Variants in TMEM74 observed in about 807,000 individuals in gnomAD.
TMEM74 encodes transmembrane protein 74.
In TMEM74, 13 loss-of-function variants were observed where a neutral mutation model predicts 18.1. That is an observed-to-expected ratio of 0.72 (90% confidence interval 0.47 to 1.14). The LOEUF (loss-of-function observed/expected upper bound fraction) is 1.14, where lower values mean the gene tolerates loss of function less well. Among genes scored for constraint, TMEM74 ranks in the 50% most tolerant of loss-of-function variants. The probability of loss-of-function intolerance (pLI) is 0.00; values close to 1 mark genes in which losing one functional copy is unlikely to be tolerated. For synonymous variants in TMEM74, 159 were observed against 146.6 expected, an observed-to-expected ratio of 1.08 and a Z score of -0.61; for missense variants, 372 against 375.9, an observed-to-expected ratio of 0.99 and a Z score of 0.09.
intron 1 of TMEM74, among the ~76,000 whole-genome samples, chr8:108,723,019 A>T (rs1032690845): frequency 2.6e-5 from 4 of 152,206 alleles, no homozygotes; most frequent in African/African-American, 9.6e-5. Flanking sequence ...ACAGAGGTGC[A>T]GGTAGAGTGT....
At chr8:108,770,173 A>G (rs777149517) in intron 1 of TMEM74, among the ~76,000 whole-genome samples, 1 of 152,178 alleles carries the variant, frequency 6.6e-6, no homozygotes, top group Admixed American at 6.5e-5. Flanking sequence ...ATGACCAAAT[A>G]CAGAGAGGAG....
In TMEM74 at chr8:108,757,554, G is replaced by A. The variant is rs373085303; in HGVS notation, n.119+29922C>T. ...GTAAGTTAATTAGTCACTTTTATCTGAGAAAGAACCTTAACAAAGTCAATT... is the reference window on the plus strand; with the variant it reads ...GTAAGTTAATTAGTCACTTTTATCTAAGAAAGAACCTTAACAAAGTCAATT... On this transcript the variant is annotated intron_variant and non_coding_transcript_variant, in intron 1 of 3. Transcript: ENST00000518838. 5.2e-4 allele frequency among the ~76,000 whole-genome samples: 79 copies of A among 151,978 alleles called. No homozygotes were observed. The South Asian group carries it at 0.016, about 30-fold the overall frequency.
At chr8:108,749,522 G>A (rs1299188674) in intron 1 of TMEM74, among the ~76,000 whole-genome samples, 1 of 152,166 alleles carries the variant, frequency 6.6e-6, no homozygotes, top group Non-Finnish European at 1.5e-5. Context: ...CTTTGCTGAA[G>A]TTGCCTATCA....
chr8:108,740,253 G>C (rs928570078), intron 1 of TMEM74, among the ~76,000 whole-genome samples: 1 of 152,110 alleles, frequency 6.6e-6, no homozygotes, highest in African/African-American at 2.4e-5. Flanking sequence ...GTTTCTCACA[G>C]CATGATCATC....
intron 1 of TMEM74, among the ~76,000 whole-genome samples, chr8:108,754,074 T>A (rs1355990384): frequency 6.6e-6 from 1 of 152,120 alleles, no homozygotes; most frequent in Non-Finnish European, 1.5e-5. Context: ...GCTTATACAT[T>A]GGGAACCTCT....
At chr8:108,683,673 G>C (rs780986853) in intron 1 of TMEM74, among the ~76,000 whole-genome samples, 4 of 151,860 alleles carry the variant, frequency 2.6e-5, no homozygotes, top group African/African-American at 9.7e-5. Flanking sequence ...GATCAGACCA[G>C]GATAAATTAG....
chr8:108,608,251 G>A lies in TMEM74; in HGVS notation n.340-486C>T, dbSNP rs141276660. On this transcript the variant is annotated intron_variant and non_coding_transcript_variant, in intron 3 of 3. Transcript: ENST00000518838. Reference sequence around the variant, plus strand: ...TGGGAGACGGAGGCAGCAGTGAGCCGAGATTGTGCCATTGCACTCCAGCCT... The same window carrying A: ...TGGGAGACGGAGGCAGCAGTGAGCCAAGATTGTGCCATTGCACTCCAGCCT... 6.2e-3 allele frequency among the ~76,000 whole-genome samples: 919 copies of A among 148,026 alleles called. 8 individuals are homozygous for A. The highest frequency in any genetic ancestry group is 0.022 in the African/African-American group (869 of 39,998).
intron 1 of TMEM74, among the ~76,000 whole-genome samples, chr8:108,706,785 G>GTGTGTGTGTGTGTA (rs1554574044): frequency 6.6e-6 from 1 of 151,016 alleles, no homozygotes; most frequent in African/African-American, 2.4e-5. Flanking sequence ...GGGTGTGTGT[G>GTGTGTGTGTGTGTA]TGTGTGTGTG....
chr8:108,640,413 C>T (rs1812652511), intron 2 of TMEM74, among the ~76,000 whole-genome samples: 1 of 152,064 alleles, frequency 6.6e-6, no homozygotes, highest in South Asian at 2.1e-4. Context: ...TGTGCCTGGC[C>T]TATAGTAATC....
chr8:108,759,798 T>C (rs936325665), intron 1 of TMEM74, among the ~76,000 whole-genome samples: 13 of 152,144 alleles, frequency 8.5e-5, no homozygotes, highest in Non-Finnish European at 1.8e-4. Context: ...AATTTCATGG[T>C]ATATGCTTTG....
chr8:108,773,216 A>G (rs1356853145), intron 1 of TMEM74, among the ~76,000 whole-genome samples: 2 of 152,080 alleles, frequency 1.3e-5, no homozygotes, highest in African/African-American at 4.8e-5. Flanking sequence ...ACACACCCAC[A>G]GACTTGTTTC....
At chr8:108,759,395 A>G (rs1277253470) in intron 1 of TMEM74, among the ~76,000 whole-genome samples, 1 of 152,140 alleles carries the variant, frequency 6.6e-6, no homozygotes, top group Non-Finnish European at 1.5e-5. Context: ...ATTTCTAGTA[A>G]TTTATTCTAT....
chr8:108,640,346 T>C (rs1459348478), intron 2 of TMEM74, among the ~76,000 whole-genome samples: 1 of 151,970 alleles, frequency 6.6e-6, no homozygotes, highest in Admixed American at 6.6e-5. Context: ...ACTCCTGACC[T>C]CAAGTGACCT....
intron 1 of TMEM74, among the ~76,000 whole-genome samples, chr8:108,690,375 GT>G (rs1554572974): frequency 2.3e-4 from 32 of 140,480 alleles, no homozygotes; most frequent in African/African-American, 6.9e-4. Context: ...TTACAATACT[GT>G]TTTTTTTTGT....
rs151015499 is a variant in TMEM74 at position 108,767,439 on chromosome 8, T to C, written n.119+20037A>G. 4.0e-3 allele frequency among the ~76,000 whole-genome samples: 609 copies of C among 152,322 alleles called. 4 individuals are homozygous for C. The highest frequency in any genetic ancestry group is 0.013 in the African/African-American group (542 of 41,574). Reference sequence around the variant, plus strand: ...AGTATCTTCCCTTTGGACTCAATATTATGTCTTTAGCTTTTAAATAGGGTC... The same window carrying C: ...AGTATCTTCCCTTTGGACTCAATATCATGTCTTTAGCTTTTAAATAGGGTC... On this transcript the variant is annotated intron_variant and non_coding_transcript_variant, in intron 1 of 3. Transcript: ENST00000518838.
chr8:108,645,865 C>A (rs1466433593), intron 2 of TMEM74, among the ~76,000 whole-genome samples: 1 of 152,028 alleles, frequency 6.6e-6, no homozygotes, highest in African/African-American at 2.4e-5. Flanking sequence ...AGGAGGAGAA[C>A]AACACAGCAG....
intron 1 of TMEM74, among the ~76,000 whole-genome samples, chr8:108,740,277 G>A (rs1177742182): frequency 6.6e-6 from 1 of 152,136 alleles, no homozygotes. Context: ...GGGTAGTCAT[G>A]CTTCACCCAT....
chr8:108,640,223 C>T (rs774365338), intron 2 of TMEM74, among the ~76,000 whole-genome samples: 9 of 144,096 alleles, frequency 6.2e-5, no homozygotes, highest in Non-Finnish European at 1.2e-4. Flanking sequence ...AACTCCAACT[C>T]CAGGGTTCAA....
At chr8:108,653,705 C>A in intron 2 of TMEM74, among the ~76,000 whole-genome samples, 1 of 152,106 alleles carries the variant, frequency 6.6e-6, no homozygotes, top group Non-Finnish European at 1.5e-5. Flanking sequence ...AAAAGCAAAG[C>A]ACAGCACAGT....
Sources: allele counts gnomAD v4.1 joint callset (sites outside exome capture counted in the v4.1 genomes callset), GRCh38; gene constraint gnomAD v4.1.1; transcripts MANE v1.5; gene names NCBI Gene and HGNC (gene_info 2026-07-23, HGNC 2026-07-21).